PTPRD: variants seen among roughly 807,000 people sequenced by gnomAD.
PTPRD encodes receptor-type tyrosine-protein phosphatase delta.
Under a neutral mutation model 214.5 loss-of-function variants are expected in PTPRD, and 34 were observed. The ratio of observed to expected loss-of-function variants is 0.16; its 90% CI spans 0.12 to 0.21. The LOEUF (loss-of-function observed/expected upper bound fraction) is 0.21, where lower values mean the gene tolerates loss of function less well. PTPRD is among the 10% of genes least tolerant of loss of function. PTPRD has a pLI of 1.00. For synonymous variants in PTPRD, 1,128 were observed against 845.7 expected, an observed-to-expected ratio of 1.33 and a Z score of -5.79; for missense variants, 2,545 against 2,398.7, an observed-to-expected ratio of 1.06 and a Z score of -1.27.
At chr9:8,416,706 G>C (rs1296148957) in intron 35 of PTPRD, among the ~76,000 whole-genome samples, 2 of 152,104 alleles carry the variant, frequency 1.3e-5, no homozygotes, top group Non-Finnish European at 2.9e-5. Context: ...ACTCACCAAA[G>C]GATGGTAGTG....
chr9:9,691,092 TAAC>T (rs1320702948), intron 7 of PTPRD, among the ~76,000 whole-genome samples: 1 of 151,988 alleles, frequency 6.6e-6, no homozygotes, highest in African/African-American at 2.4e-5. Context: ...TGCATAATAA[TAAC>T]ATCATGGAAA....
At chr9:9,301,477 G>A (rs1438483368) in intron 9 of PTPRD, among the ~76,000 whole-genome samples, 1 of 149,020 alleles carries the variant, frequency 6.7e-6, no homozygotes, top group Non-Finnish European at 1.5e-5. Flanking sequence ...ATAACAGTGG[G>A]GATACATTTC....
At chr9:10,572,653 T>C (rs1039031425) in intron 2 of PTPRD, among the ~76,000 whole-genome samples, 1 of 152,162 alleles carries the variant, frequency 6.6e-6, no homozygotes, top group African/African-American at 2.4e-5. Flanking sequence ...GTGTTTATAA[T>C]TCAGAATAAG....
intron 5 of PTPRD, among the ~76,000 whole-genome samples, chr9:9,835,127 T>C (rs1490895705): frequency 1.3e-5 from 2 of 152,082 alleles, no homozygotes; most frequent in Non-Finnish European, 1.5e-5. Context: ...GCAAGGATTA[T>C]ATCCTAGATA....
At chr9:9,802,423 T>G (rs1160240731) in intron 5 of PTPRD, among the ~76,000 whole-genome samples, 1 of 151,934 alleles carries the variant, frequency 6.6e-6, no homozygotes, top group African/African-American at 2.4e-5. Context: ...TACCTTATAT[T>G]AGGCCATAAT....
chr9:9,508,808 C>T (rs888000294), intron 8 of PTPRD, among the ~76,000 whole-genome samples: 4 of 151,696 alleles, frequency 2.6e-5, no homozygotes, highest in East Asian at 1.9e-4. Flanking sequence ...TTCTTCAGGA[C>T]GCAGCAGGAT....
chr9:8,657,188 A>G (rs548337947), intron 12 of PTPRD, among the ~76,000 whole-genome samples: 27 of 126,586 alleles, frequency 2.1e-4, no homozygotes, highest in African/African-American at 7.8e-4. Context: ...TTTTTTTGAG[A>G]CAGAGTTTCA....
At chr9:9,813,172 T>A (rs886656206) in intron 5 of PTPRD, among the ~76,000 whole-genome samples, 4 of 152,048 alleles carry the variant, frequency 2.6e-5, no homozygotes, top group African/African-American at 7.2e-5. Flanking sequence ...AAGTTCATAG[T>A]GACAAATGCT....
intron 34 of PTPRD, among the ~76,000 whole-genome samples, chr9:8,439,570 G>T (rs982812860): frequency 4.6e-5 from 7 of 152,024 alleles, no homozygotes; most frequent in African/African-American, 1.7e-4. Flanking sequence ...AGTCTATTAT[G>T]ATGTTATATC....
intron 13 of PTPRD, among the ~76,000 whole-genome samples, chr9:8,634,403 T>C (rs534211275): frequency 1.3e-5 from 2 of 152,186 alleles, no homozygotes; most frequent in East Asian, 3.9e-4. Flanking sequence ...AAATTATGAA[T>C]AAATTGAGAT....
At chr9:8,488,092 C>A (rs1278160670) in intron 27 of PTPRD, among the ~76,000 whole-genome samples, 1 of 151,946 alleles carries the variant, frequency 6.6e-6, no homozygotes, top group African/African-American at 2.4e-5. Flanking sequence ...TAATGGGAAA[C>A]AGGTGATAAA....
chr9:9,618,428 T>C (rs1044937120), intron 7 of PTPRD, among the ~76,000 whole-genome samples: 2 of 152,038 alleles, frequency 1.3e-5, no homozygotes, highest in African/African-American at 4.8e-5. Flanking sequence ...TTTAGCTACA[T>C]CAGCAATTGG....
intron 8 of PTPRD, among the ~76,000 whole-genome samples, chr9:9,421,537 T>C (rs2078810282): frequency 6.6e-6 from 1 of 152,106 alleles, no homozygotes; most frequent in South Asian, 2.1e-4. Flanking sequence ...AGTGTTTTCT[T>C]ATTCTTTGTT....
intron 11 of PTPRD, among the ~76,000 whole-genome samples, chr9:8,856,302 G>A (rs902961247): frequency 6.6e-6 from 1 of 152,100 alleles, no homozygotes; most frequent in Non-Finnish European, 1.5e-5. Context: ...TGTGCACTTT[G>A]AAACAGAGAA....
At chr9:10,486,440 T>A (rs13301212) in intron 2 of PTPRD, among the ~76,000 whole-genome samples, 24,850 of 152,058 alleles carry the variant, frequency 0.16, 2,201 homozygotes, top group Non-Finnish European at 0.2. Context: ...AATAGGAGAT[T>A]CTCTCCCCAT....
chr9:9,180,148 G>A (rs1274528344), intron 10 of PTPRD, among the ~76,000 whole-genome samples: 2 of 151,450 alleles, frequency 1.3e-5, no homozygotes, highest in Admixed American at 1.3e-4. Context: ...ACATGCACAC[G>A]TATGTTTATT....
At chr9:8,469,212 A>G (rs2096605692) in intron 31 of PTPRD, among the ~76,000 whole-genome samples, 1 of 152,076 alleles carries the variant, frequency 6.6e-6, no homozygotes, top group Admixed American at 6.6e-5. Flanking sequence ...GTTCAAAGTC[A>G]TATAGCCCTA....
At chr9:8,571,337 G>A (rs188082602) in intron 14 of PTPRD, among the ~76,000 whole-genome samples, 1 of 151,966 alleles carries the variant, frequency 6.6e-6, no homozygotes, top group Non-Finnish European at 1.5e-5. Flanking sequence ...ACAATTACAC[G>A]CTATTTTCCA....
intron 12 of PTPRD, among the ~76,000 whole-genome samples, chr9:8,723,064 AAT>A (rs1468874410): frequency 2.0e-5 from 3 of 152,078 alleles, no homozygotes; most frequent in African/African-American, 7.2e-5. Context: ...ATGTCCCAAT[AAT>A]ATATGTGTTT....
Sources: allele counts gnomAD v4.1 joint callset (sites outside exome capture counted in the v4.1 genomes callset), GRCh38; gene constraint gnomAD v4.1.1; transcripts MANE v1.5; gene names NCBI Gene and HGNC (gene_info 2026-07-23, HGNC 2026-07-21).